The following DHRSX variants were observed in gnomAD, a reference collection of about 807,000 sequenced individuals.
DHRSX encodes the protein polyprenol dehydrogenase.
DHRSX carries 31 observed loss-of-function variants against 34.0 expected under a neutral mutation model. That is an observed-to-expected ratio of 0.91 (90% CI 0.69 to 1.23). The LOEUF (loss-of-function observed/expected upper bound fraction) is 1.23, where lower values mean the gene tolerates loss of function less well. Ranked by LOEUF, DHRSX falls within the 50% of genes most tolerant of loss-of-function variation. DHRSX has a pLI of 0.00. For missense variants in DHRSX, 414 were observed against 428.1 expected, an observed-to-expected ratio of 0.97 and a Z score of 0.29; for synonymous variants, 201 against 183.8, an observed-to-expected ratio of 1.09 and a Z score of -0.76.
chrX:2,493,307 C>T (rs1271752272), intron 1 of DHRSX, among the ~76,000 whole-genome samples: 1 of 152,138 alleles, frequency 6.6e-6, no homozygotes, highest in Non-Finnish European at 1.5e-5. Flanking sequence ...ACAGCTGTAT[C>T]AGATCCTCCA....
intron 3 of DHRSX, among the ~76,000 whole-genome samples, chrX:2,385,150 A>G (rs867338653): frequency 7.6e-5 from 9 of 118,016 alleles, no homozygotes; most frequent in Middle Eastern, 4.3e-3. Flanking sequence ...GTGTATATAT[A>G]TGTGTGTGTG....
intron 3 of DHRSX, among the ~76,000 whole-genome samples, chrX:2,301,371 G>A (rs1207834514): frequency 7.9e-5 from 12 of 152,146 alleles, no homozygotes; most frequent in Non-Finnish European, 1.8e-4. Context: ...CCGAGACCAT[G>A]CCACTGCACT....
At position 2,375,061 on chromosome X, in the gene DHRSX, C is replaced by T. The variant is rs2043124798; in HGVS notation, c.286+33684G>A. On this transcript the variant is annotated intron_variant, in intron 3 of 6. Coordinates refer to ENST00000334651, the MANE Select transcript of DHRSX (RefSeq NM_145177.3). The stretch of plus-strand genomic sequence containing the variant: ...TCCAGCCTGGGCAACAGAGCAAGAA[C>T]CTGCCTCTAAAACAGAAACATAAAT... 1.5e-5 allele frequency among the ~76,000 whole-genome samples: 2 copies of T among 137,872 alleles called. 1 individual carries two copies. The highest frequency in any genetic ancestry group is 4.6e-4 in the South Asian group (2 of 4,372). 90.4% of individuals were successfully genotyped at this position (137,872 alleles called of 152,430 possible).
rs143285173 is a variant in DHRSX, at chrX:2,468,143, G to A, written c.109+32674C>T. ...CACACTAGAAGTCTCTGATGCGATGGGGGCATCTCCAGAAATCCGAAGATT... is the reference window on the plus strand; with the variant it reads ...CACACTAGAAGTCTCTGATGCGATGAGGGCATCTCCAGAAATCCGAAGATT... On this transcript the variant is annotated intron_variant, in intron 1 of 6. Transcript: ENST00000334651. 4.4e-3 allele frequency among the ~76,000 whole-genome samples: 669 copies of A among 152,150 alleles called. 3 individuals are homozygous for A. The highest frequency in any genetic ancestry group is 0.015 in the African/African-American group (642 of 41,496).
At chrX:2,275,768 G>A (rs1162683098) in intron 4 of DHRSX, among the ~76,000 whole-genome samples, 6 of 151,666 alleles carry the variant, frequency 4.0e-5, no homozygotes, top group South Asian at 2.1e-4. Context: ...CAGCCTGGGC[G>A]ACAGAGCAAG....
chrX:2,297,586 G>C (rs2041949056), intron 3 of DHRSX, among the ~76,000 whole-genome samples: 1 of 152,134 alleles, frequency 6.6e-6, no homozygotes, highest in African/African-American at 2.4e-5. Flanking sequence ...AAATTATCCT[G>C]TATTAGCCTA....
chrX:2,358,469 G>A (rs1256128605), intron 3 of DHRSX, among the ~76,000 whole-genome samples: 4 of 152,020 alleles, frequency 2.6e-5, no homozygotes, highest in Admixed American at 1.3e-4. Context: ...AGGCCGAGGC[G>A]GGTGGATCAC....
At chrX:2,397,430 G>C (rs762331903) in intron 3 of DHRSX, among the ~76,000 whole-genome samples, 128 of 152,210 alleles carry the variant, frequency 8.4e-4, no homozygotes, top group African/African-American at 3.0e-3. Flanking sequence ...CACCGGGCCC[G>C]ACCCTGGCAT....
chrX:2,336,165 G>C (rs1485600925), intron 3 of DHRSX, among the ~76,000 whole-genome samples: 1 of 151,874 alleles, frequency 6.6e-6, no homozygotes, highest in African/African-American at 2.4e-5. Context: ...CCGCCACCAT[G>C]CCCAGCTAGT....
At chrX:2,363,640 C>T (rs1432563958) in intron 3 of DHRSX, among the ~76,000 whole-genome samples, 1 of 145,432 alleles carries the variant, frequency 6.9e-6, no homozygotes, top group African/African-American at 2.6e-5. Context: ...TGGTATCATG[C>T]CGCCATTTTA....
At chrX:2,228,727 G>T (rs1277375006) in intron 6 of DHRSX, among the ~76,000 whole-genome samples, 8 of 151,972 alleles carry the variant, frequency 5.3e-5, no homozygotes, top group Non-Finnish European at 8.8e-5. Flanking sequence ...TTCAAACCAC[G>T]ATTTCCTTTT....
chrX:2,387,735 T>C (rs2043287702), intron 3 of DHRSX, among the ~76,000 whole-genome samples: 1 of 151,628 alleles, frequency 6.6e-6, no homozygotes, highest in Admixed American at 6.6e-5. Flanking sequence ...AAGTTTACTC[T>C]AAGTATTAAT....
chrX:2,290,859 A>G (rs2041856985), intron 4 of DHRSX, among the ~76,000 whole-genome samples: 1 of 152,202 alleles, frequency 6.6e-6, no homozygotes, highest in South Asian at 2.1e-4. Flanking sequence ...GGACTGCAGC[A>G]GGGGATGAGA....
intron 1 of DHRSX, among the ~76,000 whole-genome samples, chrX:2,433,907 T>C (rs1321223845): frequency 2.0e-5 from 3 of 152,136 alleles, no homozygotes; most frequent in Non-Finnish European, 1.5e-5. Flanking sequence ...CCCGAGTAGC[T>C]GGGACTACAG....
At chrX:2,379,507 G>A (rs779361034) in intron 3 of DHRSX, among the ~76,000 whole-genome samples, 23 of 150,734 alleles carry the variant, frequency 1.5e-4, no homozygotes, top group South Asian at 6.4e-4. Context: ...GATCAATCAC[G>A]ACTGAAATTC....
chrX:2,439,878 G>A (rs35050128), intron 1 of DHRSX, among the ~76,000 whole-genome samples: 1 of 151,882 alleles, frequency 6.6e-6, no homozygotes, highest in Non-Finnish European at 1.5e-5. Context: ...TCACTCACAC[G>A]CTACTCACCT....
At chrX:2,316,782 T>G (rs1173127527) in intron 3 of DHRSX, among the ~76,000 whole-genome samples, 1 of 152,180 alleles carries the variant, frequency 6.6e-6, no homozygotes, top group Non-Finnish European at 1.5e-5. Context: ...CAAGATCTGA[T>G]GGCAAAAATT....
chrX:2,297,731 G>A (rs996865938), intron 3 of DHRSX, among the ~76,000 whole-genome samples: 65 of 150,010 alleles, frequency 4.3e-4, no homozygotes, highest in Non-Finnish European at 8.9e-4. Context: ...GATGACAGGA[G>A]TGCGGAGTTT....
At position 2,313,658 on chromosome X, in the gene DHRSX, C is replaced by T. The variant is rs183479907; in HGVS notation, c.287-22055G>A. Reference sequence around the variant, plus strand: ...CTAGAATTACAGGCATGAGCCACGACGCCCAGCCGTGATTTATAATTGTTG... The same window carrying T: ...CTAGAATTACAGGCATGAGCCACGATGCCCAGCCGTGATTTATAATTGTTG... On this transcript the variant is annotated intron_variant, in intron 3 of 6. Coordinates refer to ENST00000334651, the MANE Select transcript of DHRSX (RefSeq NM_145177.3). Among the ~76,000 whole-genome samples, 1,202 of 152,200 alleles carry T rather than the reference C, an allele frequency of 7.9e-3. 12 individuals carry two copies. The highest frequency in any genetic ancestry group is 0.027 in the African/African-American group (1,120 of 41,534).
Sources: allele counts gnomAD v4.1 joint callset (sites outside exome capture counted in the v4.1 genomes callset), GRCh38; gene constraint gnomAD v4.1.1; transcripts MANE v1.5; gene names NCBI Gene and HGNC (gene_info 2026-07-23, HGNC 2026-07-21).